Variants in KCNQ1OT1 observed in about 807,000 individuals in gnomAD.
KCNQ1OT1 encodes KCNQ1 antisense RNA 2 (non-protein coding).
At chr11:2,699,321 A>C (rs953996638) in exon 1 of KCNQ1OT1, 1 of 399,128 alleles carries the variant, frequency 2.5e-6, no homozygotes. Context: ...CGGGGCACAC[A>C]GCTCACCTCA....
rs1216730704 is a variant in KCNQ1OT1, at chr11:2,691,349, C to A, written n.8646G>T. ...AATCCACTGCACTTACAGTGACCAC[C>A]CATCCTGACATCTTGGGCTCAGGCC... On this transcript the variant is annotated non_coding_transcript_exon_variant, in exon 1 of 1. Transcript: ENST00000597346. The surrounding 1 kb of genome is among the most constrained non-coding windows in gnomAD (Gnocchi z 6.4). 1 of 398,498 alleles carries A rather than the reference C, an allele frequency of 2.5e-6. No homozygotes were observed. The highest frequency in any genetic ancestry group is 4.4e-6 in the Non-Finnish European group (1 of 226,092). The allele number at this position is 398,498 out of a possible 1,614,324, so 24.7% of individuals were successfully genotyped here.
rs1848914767 is a variant in KCNQ1OT1 at position 2,608,349 on chromosome 11, A to C, written n.91646T>G. On this transcript the variant is annotated non_coding_transcript_exon_variant, in exon 1 of 1. Transcript: ENST00000597346. The surrounding 1 kb of genome is among the most constrained non-coding windows in gnomAD (Gnocchi z 4.6). ...TTCTTAGTCAGTTTTCATAGTTTTC[A>C]TCTTTCTAGGAATTTGTCAATTTCA... 1 of 398,356 alleles carries C rather than the reference A, an allele frequency of 2.5e-6. No homozygotes were observed. The highest frequency in any genetic ancestry group is 4.4e-5 in the Admixed American group (1 of 22,704). 24.7% of individuals were successfully genotyped at this position (398,356 alleles called of 1,614,324 possible).
In KCNQ1OT1 at chr11:2,685,006, C is replaced by T. The variant is rs1483608292; in HGVS notation, n.14989G>A. ...CGGACTGGTTGCTTTTCATTCATAT[C>T]TTCTTGCCATCCCTGTCTCATGGGT... On this transcript the variant is annotated non_coding_transcript_exon_variant, in exon 1 of 1. Transcript: ENST00000597346. 2.0e-5 allele frequency: 8 copies of T among 398,540 alleles called. No individual in the cohort carries two copies. In the East Asian group the frequency reaches 2.8e-4, roughly 14 times the overall value. 24.7% of individuals were successfully genotyped at this position (398,540 alleles called of 1,614,324 possible). A position where few individuals can be genotyped will look rare whatever the true frequency, so the allele number is the denominator to read the frequency against.
rs140039141 is a variant in KCNQ1OT1 at position 2,695,791 on chromosome 11, C to G, written n.4204G>C. The G allele has an allele frequency of 2.0e-5, 8 of 398,640 alleles. 1 individual carries two copies. In the East Asian group the frequency reaches 2.8e-4, roughly 14 times the overall value. The allele number at this position is 398,640 out of a possible 1,614,324, so 24.7% of individuals were successfully genotyped here. On this transcript the variant is annotated non_coding_transcript_exon_variant, in exon 1 of 1. Transcript: ENST00000597346. The surrounding 1 kb of genome is among the most constrained non-coding windows in gnomAD (Gnocchi z 5.2). ...CTTATCCTACTTTCTAATGCTTCTC[C>G]TATGAAGAATAGCTGTTGCTTTCAT...
At chr11:2,692,075 C>T in exon 1 of KCNQ1OT1, 2 of 398,748 alleles carry the variant, frequency 5.0e-6, no homozygotes, top group South Asian at 2.5e-4. Context: ...ACCCACATTC[C>T]AGTCACCTGC....
At chr11:2,650,753 C>A in exon 1 of KCNQ1OT1, 2 of 398,586 alleles carry the variant, frequency 5.0e-6, no homozygotes, top group Non-Finnish European at 8.8e-6. Context: ...ACTTTGCTAC[C>A]CACAGGCAAT....
rs1849868544 is a variant in KCNQ1OT1 at position 2,657,376 on chromosome 11, T to C, written n.42619A>G. ...TATTTCTCCATTTATATCTTCTTCA[T>C]TGTCTCTTACTAAAGTTTTACAATT... On this transcript the variant is annotated non_coding_transcript_exon_variant, in exon 1 of 1. Transcript: ENST00000597346. This position sits in a 1 kb window ranked among gnomAD's most constrained non-coding sequence, Gnocchi z 4.8. 1 of 398,494 alleles carries C rather than the reference T, an allele frequency of 2.5e-6. No homozygotes were observed. Among genetic ancestry groups the C allele is most frequent in the South Asian group, 1.3e-4 (1 of 7,864 alleles). 24.7% of individuals were successfully genotyped at this position (398,494 alleles called of 1,614,324 possible).
In KCNQ1OT1 at chr11:2,698,238, A is replaced by T; in HGVS notation, n.1757T>A. 2 of 398,666 alleles carry T rather than the reference A, an allele frequency of 5.0e-6. 1 individual carries two copies. The highest frequency in any genetic ancestry group is 7.1e-5 in the East Asian group (2 of 28,084). 24.7% of individuals were successfully genotyped at this position (398,666 alleles called of 1,614,324 possible). A position where few individuals can be genotyped will look rare whatever the true frequency, so the allele number is the denominator to read the frequency against. On this transcript the variant is annotated non_coding_transcript_exon_variant, in exon 1 of 1. Transcript: ENST00000597346. This position sits in a 1 kb window ranked among gnomAD's most constrained non-coding sequence, Gnocchi z 5.1. Reference sequence around the variant, plus strand: ...ATGCACATCAAATGTGGATATTATCAGGAAAGTTTTTATACTTTGTGATAA... The same window carrying T: ...ATGCACATCAAATGTGGATATTATCTGGAAAGTTTTTATACTTTGTGATAA...
rs940643429 is a variant in KCNQ1OT1 at position 2,621,494 on chromosome 11, T to C, written n.78501A>G. On this transcript the variant is annotated non_coding_transcript_exon_variant, in exon 1 of 1. Coordinates refer to ENST00000597346, the Ensembl canonical transcript of KCNQ1OT1. The surrounding 1 kb of genome is among the most constrained non-coding windows in gnomAD (Gnocchi z 5.7). ...CAAATATTTTTTCTCCCATTCTATA[T>C]GTTGTCTGTTTACTCTGTTGATAAT... 2.5e-6 allele frequency: 1 copy of C among 398,544 alleles called. No individual in the cohort carries two copies. The highest frequency in any genetic ancestry group is 4.4e-6 in the Non-Finnish European group (1 of 226,024). The allele number at this position is 398,544 out of a possible 1,614,324, so 24.7% of individuals were successfully genotyped here.
chr11:2,667,207 C>T (rs577855951), exon 1 of KCNQ1OT1: 16 of 398,468 alleles, frequency 4.0e-5, no homozygotes, highest in Middle Eastern at 6.2e-4. Context: ...CCCCCCGTGG[C>T]CCCCTAACCT....
In KCNQ1OT1 at chr11:2,645,506, C is replaced by A; in HGVS notation, n.54489G>T. The A allele has an allele frequency of 2.5e-6, 1 of 398,740 alleles. No individual in the cohort carries two copies. The highest frequency in any genetic ancestry group is 4.4e-6 in the Non-Finnish European group (1 of 226,192). The allele number at this position is 398,740 out of a possible 1,614,324, so 24.7% of individuals were successfully genotyped here. On this transcript the variant is annotated non_coding_transcript_exon_variant, in exon 1 of 1. Transcript: ENST00000597346. The surrounding 1 kb of genome is among the most constrained non-coding windows in gnomAD (Gnocchi z 5.8). ...AATGCTCATGTTGGGGCAGCAGCAA[C>A]TCTATTGCAGCCCTACTCCTGGGGA...
At position 2,645,057 on chromosome 11, in the gene KCNQ1OT1, T is replaced by A; in HGVS notation, n.54938A>T. 2.5e-6 allele frequency: 1 copy of A among 398,776 alleles called. No individual in the cohort carries two copies. The highest frequency in any genetic ancestry group is 4.4e-6 in the Non-Finnish European group (1 of 226,196). 24.7% of individuals were successfully genotyped at this position (398,776 alleles called of 1,614,324 possible). A position where few individuals can be genotyped will look rare whatever the true frequency, so the allele number is the denominator to read the frequency against. ...AGGCAACTTGCTCAGGTGCCAATGA[T>A]GACAGAGCTGGGCCACAGGGTGGGT... On this transcript the variant is annotated non_coding_transcript_exon_variant, in exon 1 of 1. Coordinates refer to ENST00000597346, the Ensembl canonical transcript of KCNQ1OT1. This position sits in a 1 kb window ranked among gnomAD's most constrained non-coding sequence, Gnocchi z 5.8.
Position 2,633,662 on chromosome 11 carries a change from A to G in KCNQ1OT1, n.66333T>C, listed in dbSNP as rs150186185. On this transcript the variant is annotated non_coding_transcript_exon_variant, in exon 1 of 1. Coordinates refer to ENST00000597346, the Ensembl canonical transcript of KCNQ1OT1. ...TGTGTTCTTGGCACCTTTGTCAAAA[A>G]CCAGTTGTCTGTAAATAAATTTATT... 2,095 of 398,490 alleles carry G rather than the reference A, an allele frequency of 5.3e-3. 85 individuals are homozygous for G. The East Asian group carries it at 0.072, about 14-fold the overall frequency. The allele number at this position is 398,490 out of a possible 1,614,324, so 24.7% of individuals were successfully genotyped here.
At chr11:2,635,381 G>T (rs1411235079) in exon 1 of KCNQ1OT1, 2 of 152,134 alleles carry the variant, frequency 1.3e-5, no homozygotes, top group East Asian at 3.8e-4. Flanking sequence ...AAGGGATCCA[G>T]TTTCAGCTTT....
In KCNQ1OT1 at chr11:2,664,028, G is replaced by A. The variant is rs1850017682; in HGVS notation, n.35967C>T. ...GCACATTACCATTCTGCAAGATCCT[G>A]CAGCCTTTTCAGGTTGGCACTCCCA... is the stretch of plus-strand genomic sequence containing the variant. On this transcript the variant is annotated non_coding_transcript_exon_variant, in exon 1 of 1. Transcript: ENST00000597346. The surrounding 1 kb of genome is among the most constrained non-coding windows in gnomAD (Gnocchi z 5.1). 3 of 398,760 alleles carry A rather than the reference G, an allele frequency of 7.5e-6. No individual in the cohort carries two copies. The East Asian group carries it at 1.1e-4, about 14-fold the overall frequency. The allele number at this position is 398,760 out of a possible 1,614,324, so 24.7% of individuals were successfully genotyped here.
chr11:2,697,796 T>G lies in KCNQ1OT1; in HGVS notation n.2199A>C, dbSNP rs570765075. On this transcript the variant is annotated non_coding_transcript_exon_variant, in exon 1 of 1. Coordinates refer to ENST00000597346, the Ensembl canonical transcript of KCNQ1OT1. Reference sequence around the variant, plus strand: ...GCATTGTACAAGGAACTTCTGCATCTACATTCATAAGGGAAATTCTTTATA... The same window carrying G: ...GCATTGTACAAGGAACTTCTGCATCGACATTCATAAGGGAAATTCTTTATA... 2.3e-5 allele frequency: 9 copies of G among 398,658 alleles called. No homozygotes were observed. The South Asian group carries it at 1.1e-3, about 51-fold the overall frequency. The allele number at this position is 398,658 out of a possible 1,614,324, so 24.7% of individuals were successfully genotyped here. A position where few individuals can be genotyped will look rare whatever the true frequency, so the allele number is the denominator to read the frequency against.
rs947835178 is a variant in KCNQ1OT1, at chr11:2,690,975, A to G, written n.9020T>C. On this transcript the variant is annotated non_coding_transcript_exon_variant, in exon 1 of 1. Coordinates refer to ENST00000597346, the Ensembl canonical transcript of KCNQ1OT1. This position sits in a 1 kb window ranked among gnomAD's most constrained non-coding sequence, Gnocchi z 5.1. ...GGAGTCACGGGTATGTGTCAACAAA[A>G]GCCCACCAGACCATCAATGAAGTGG... is the stretch of plus-strand genomic sequence containing the variant. The G allele has an allele frequency of 2.3e-5, 9 of 398,550 alleles. No individual in the cohort carries two copies. Among genetic ancestry groups the G allele is most frequent in the Non-Finnish European group, 3.5e-5 (8 of 226,078 alleles). 24.7% of individuals were successfully genotyped at this position (398,550 alleles called of 1,614,324 possible). A position where few individuals can be genotyped will look rare whatever the true frequency, so the allele number is the denominator to read the frequency against.
In KCNQ1OT1 at chr11:2,621,612, G is replaced by C. The variant is rs552796645; in HGVS notation, n.78383C>G. On this transcript the variant is annotated non_coding_transcript_exon_variant, in exon 1 of 1. Coordinates refer to ENST00000597346, the Ensembl canonical transcript of KCNQ1OT1. The surrounding 1 kb of genome is among the most constrained non-coding windows in gnomAD (Gnocchi z 5.7). Reference sequence around the variant, plus strand: ...TTCTATTCCTGATTTAATCTTAGCAGGTTGGTTTTTTTCTAGGAATTTGTC... The same window carrying C: ...TTCTATTCCTGATTTAATCTTAGCACGTTGGTTTTTTTCTAGGAATTTGTC... 1 of 398,356 alleles carries C rather than the reference G, an allele frequency of 2.5e-6. No homozygotes were observed. The highest frequency in any genetic ancestry group is 4.4e-6 in the Non-Finnish European group (1 of 225,988). 24.7% of individuals were successfully genotyped at this position (398,356 alleles called of 1,614,324 possible).
chr11:2,619,211 T>C (rs866037775), exon 1 of KCNQ1OT1: 7 of 398,454 alleles, frequency 1.8e-5, no homozygotes, highest in Non-Finnish European at 1.3e-5. Flanking sequence ...TCCAGTACTA[T>C]GTTGAGTAGT....
Sources: allele counts gnomAD v4.1 joint callset, GRCh38; gene constraint gnomAD v4.1.1; non-coding constraint Gnocchi (gnomAD v3.1); transcripts MANE v1.5; gene names NCBI Gene and HGNC (gene_info 2026-07-23, HGNC 2026-07-21).